Variants in FUS observed in about 807,000 individuals in gnomAD.
FUS encodes RNA-binding protein FUS.
Under a neutral mutation model 82.7 loss-of-function variants are expected in FUS, and 5 were observed. The observed-to-expected ratio is 0.06, with a 90% CI of 0.03 to 0.13. The LOEUF is 0.13. Among genes scored for constraint, FUS ranks in the 10% least tolerant of loss-of-function variants. The pLI is 1.00. For missense variants in FUS, 512 were observed against 707.8 expected, an observed-to-expected ratio of 0.72 and a Z score of 3.14; for synonymous variants, 281 against 247.4, an observed-to-expected ratio of 1.14 and a Z score of -1.27.
At chr16:31,194,023 G>A (rs2079392790), downstream of FUS, 1 of 533,464 alleles carries the variant, frequency 1.9e-6, no homozygotes, top group African/African-American at 1.9e-5. Flanking sequence ...GTTGGAATTG[G>A]GACAGGCTAA....
chr16:31,180,455 G>A (rs2058038665), intron 1 of FUS, among the ~76,000 whole-genome samples: 1 of 152,146 alleles, frequency 6.6e-6, no homozygotes. Context: ...CAGTCCGTTT[G>A]CTTGGGGTGG....
At chr16:31,188,640 C>G in intron 8 of FUS, 1 of 550,342 alleles carries the variant, frequency 1.8e-6, no homozygotes, top group Non-Finnish European at 3.2e-6. Flanking sequence ...GGACCACACT[C>G]AGATGGTTTA....
downstream of FUS, chr16:31,192,639 T>C (rs1329897185): frequency 2.1e-5 from 10 of 482,728 alleles, no homozygotes; most frequent in Non-Finnish European, 4.1e-5. Flanking sequence ...CGGCTCACTG[T>C]AGCCTCTGCC....
Position 31,184,187 on chromosome 16 carries a change from GTTTT to G in FUS, c.336-19_336-16del, listed in dbSNP as rs755482297. 409 of 1,614,042 alleles carry G rather than the reference GTTTT, an allele frequency of 2.5e-4. 1 individual carries two copies. The highest frequency in any genetic ancestry group is 9.4e-5 in the Non-Finnish European group (111 of 1,180,020). On this transcript the variant is annotated intron_variant, in intron 4 of 14. Transcript: ENST00000254108. ...GGGGCTATGCTGGGATTGTGATTGT[GTTTT>G]TTGTTTGTTTTCCCTAGTTACGGTA...
intron 9 of FUS, 41 bp from the exon 10 acceptor site, chr16:31,189,624 T>C (rs1244863685): frequency 6.2e-7 from 1 of 1,613,798 alleles, no homozygotes; most frequent in Non-Finnish European, 8.5e-7. Context: ...GGGAGTACTG[T>C]AGCCTTTAAA....
chr16:31,180,598 C>A (rs943993262), intron 1 of FUS, among the ~76,000 whole-genome samples: 4 of 152,254 alleles, frequency 2.6e-5, no homozygotes, highest in Admixed American at 2.0e-4. Context: ...TGCATCCGGG[C>A]ACTCGCGGCG....
chr16:31,184,277 G>A lies in FUS; in HGVS notation c.404G>A (p.Ser135Asn), dbSNP rs61732970. 3.0e-4 allele frequency: 489 copies of A among 1,614,152 alleles called. No homozygotes were observed. The Admixed American group carries it at 3.4e-3, about 11-fold the overall frequency. ...AGTGGGAGCTACAGCCAGCAGCCTA[G>A]CTATGGTGGACAGCAGCAAAGCTAT... ...PQSGSYSQQP[S>N]YGGQQQSYGQ... The change falls in exon 5 of 15, where the codon AGC becomes AAC. Residue 135 changes from serine to asparagine, a missense_variant. Transcript: ENST00000254108.
chr16:31,190,202 G>A, intron 11 of FUS, 61 bp downstream of exon 11: 1 of 1,613,962 alleles, frequency 6.2e-7, no homozygotes. Flanking sequence ...AGATGGTAAA[G>A]GCTTGCATGG....
In FUS at chr16:31,191,062, G is replaced by A. The variant is rs781554309; in HGVS notation, c.1493G>A (p.Arg498Gln). ...GACCGTGGAGGCTTCCGAGGGGGCC[G>A]GGGTGGTGGGGACAGAGGTGGCTTT... ...GGDRGGFRGG[R>Q]GGGDRGGFGP... The change falls in exon 14 of 15, where the codon CGG becomes CAG. Residue 498 changes from arginine to glutamine, a missense_variant. Around this residue, in one of 6 missense-constraint regions of FUS, gnomAD observed 96 missense variants for 120.7 expected, o/e 0.80. Coordinates refer to ENST00000254108, the MANE Select transcript of FUS (RefSeq NM_004960.4). 3.7e-6 allele frequency: 6 copies of A among 1,613,226 alleles called. No homozygotes were observed. Among genetic ancestry groups the A allele is most frequent in the Non-Finnish European group, 5.1e-6 (6 of 1,180,016 alleles).
rs185469113 is a variant in FUS, at chr16:31,182,837, C to G, written c.190+173C>G. The G allele has an allele frequency of 1.0e-3, 756 of 753,058 alleles. 1 individual carries two copies. The African/African-American group carries it at 0.011, about 11-fold the overall frequency. The allele number at this position is 753,058 out of a possible 1,614,324, so 46.6% of individuals were successfully genotyped here. A position where few individuals can be genotyped will look rare whatever the true frequency, so the allele number is the denominator to read the frequency against. On this transcript the variant is annotated intron_variant, in intron 3 of 14. Transcript: ENST00000254108. ...GTTCAAACGATTCTCCTGCCTCAGC[C>G]TCCTGAGTAGCTGGGATTACAGGTA...
intron 6 of FUS, chr16:31,185,553 C>G (rs1385386054): frequency 3.6e-6 from 2 of 549,042 alleles, no homozygotes; most frequent in African/African-American, 3.7e-5. Flanking sequence ...AGTAGGGAAA[C>G]TTGGTATGTG....
At chr16:31,191,916 T>C (rs188934339), downstream of FUS, 1 of 535,656 alleles carries the variant, frequency 1.9e-6, no homozygotes, top group African/African-American at 1.9e-5. Flanking sequence ...TTTATCCCTT[T>C]TTAAGAACTC....
downstream of FUS, chr16:31,192,438 C>G (rs1302843770): frequency 5.7e-6 from 3 of 522,648 alleles, no homozygotes; most frequent in Non-Finnish European, 1.1e-5. Flanking sequence ...GTAACATTAA[C>G]CCAAGAGCAG....
downstream of FUS, chr16:31,192,466 G>T: frequency 1.9e-6 from 1 of 518,962 alleles, no homozygotes. Flanking sequence ...TTATTTACAG[G>T]GTTTTCGAAC....
At chr16:31,188,447 T>A in intron 8 of FUS, 90 bp downstream of exon 8, 30 of 1,379,008 alleles carry the variant, frequency 2.2e-5, no homozygotes, top group Middle Eastern at 1.8e-4. Context: ...AAAAGGAAAC[T>A]GAAAAAAATG....
chr16:31,193,539 T>C (rs1420856475), downstream of FUS: 3 of 530,118 alleles, frequency 5.7e-6, no homozygotes, highest in Non-Finnish European at 1.1e-5. Context: ...AGGTCGAAGC[T>C]CCTTGTAAGA....
downstream of FUS, chr16:31,194,694 G>A (rs749015958): frequency 1.6e-5 from 8 of 486,846 alleles, no homozygotes; most frequent in South Asian, 1.2e-4. Context: ...ATCAAATCAG[G>A]CTAATATATC....
intron 1 of FUS, among the ~76,000 whole-genome samples, chr16:31,180,556 GCC>G (rs1567467745): frequency 6.6e-6 from 1 of 152,180 alleles, no homozygotes; most frequent in East Asian, 1.9e-4. Flanking sequence ...CCAACTCCCG[GCC>G]CCGCGCTCGA....
chr16:31,182,444 C>T (rs1306316792), intron 2 of FUS, 22 bp downstream of exon 2: 1 of 1,614,044 alleles, frequency 6.2e-7, no homozygotes, highest in Non-Finnish European at 8.5e-7. Context: ...TTTTGGGCTT[C>T]CAGAGTTTGT....
Sources: allele counts gnomAD v4.1 joint callset (sites outside exome capture counted in the v4.1 genomes callset), GRCh38; gene constraint gnomAD v4.1.1; regional missense constraint gnomAD v4.1.1; transcripts MANE v1.5; gene names NCBI Gene and HGNC (gene_info 2026-07-23, HGNC 2026-07-21).